The following RHEX variants were observed in gnomAD, a reference collection of about 807,000 sequenced individuals.
The protein encoded by RHEX is regulator of hemoglobinization and erythroid cell expansion, also known as regulator of hemoglobinization and erythroid cell expansion protein.
RHEX carries 18 observed loss-of-function variants against 20.1 expected under a neutral mutation model. The observed-to-expected ratio is 0.90, with a 90% CI of 0.62 to 1.33. RHEX has a LOEUF of 1.33. Among genes scored for constraint, RHEX ranks in the 40% most tolerant of loss-of-function variants. RHEX has a pLI of 0.00. For missense variants in RHEX, 192 were observed against 214.3 expected, an observed-to-expected ratio of 0.90 and a Z score of 0.65; for synonymous variants, 87 against 77.1, an observed-to-expected ratio of 1.13 and a Z score of -0.67.
chr1:206,074,741 G>A (rs1231057956), intron 1 of RHEX, among the ~76,000 whole-genome samples: 1 of 152,194 alleles, frequency 6.6e-6, no homozygotes, highest in Non-Finnish European at 1.5e-5. Flanking sequence ...CTTTTTGGGT[G>A]CTGACATGAT....
chr1:206,098,339 A>C, intron 3 of RHEX, 158 bp downstream of exon 3: 2 of 607,352 alleles, frequency 3.3e-6, no homozygotes, highest in Non-Finnish European at 3.0e-6. Context: ...CCTCCCCCCA[A>C]TAACTGTATC....
chr1:206,092,257 A>C (rs1337229401), intron 1 of RHEX, among the ~76,000 whole-genome samples: 1 of 152,122 alleles, frequency 6.6e-6, no homozygotes, highest in Non-Finnish European at 1.5e-5. Flanking sequence ...AATAGCTTGC[A>C]TTCATTGGAT....
At chr1:206,074,269 G>A (rs1354039804) in intron 1 of RHEX, among the ~76,000 whole-genome samples, 1 of 152,130 alleles carries the variant, frequency 6.6e-6, no homozygotes, top group Non-Finnish European at 1.5e-5. Context: ...TAAAGTCTAT[G>A]TTCCCAATAG....
intron 1 of RHEX, among the ~76,000 whole-genome samples, chr1:206,064,933 G>A (rs1662395361): frequency 6.6e-6 from 1 of 152,172 alleles, no homozygotes; most frequent in Non-Finnish European, 1.5e-5. Context: ...TCTGTACTAA[G>A]AGAAGTTCTT....
chr1:206,095,726 G>A lies in RHEX; in HGVS notation c.-96-2007G>A, dbSNP rs189857497. ...AGCTACTTGGGAGGCTCAGGCAGGAGAATCGCTTGAACCTGGGAGGTGGAG... is the reference window on the plus strand; with the variant it reads ...AGCTACTTGGGAGGCTCAGGCAGGAAAATCGCTTGAACCTGGGAGGTGGAG... On this transcript the variant is annotated intron_variant, in intron 1 of 5. Coordinates refer to ENST00000331555, the MANE Select transcript of RHEX (RefSeq NM_001007544.4). Among the ~76,000 whole-genome samples, 199 of 152,228 alleles carry A rather than the reference G, an allele frequency of 1.3e-3. 1 individual carries two copies. In the Middle Eastern group the frequency reaches 0.044, roughly 34 times the overall value.
At chr1:206,074,610 T>TCAA (rs1200592481) in intron 1 of RHEX, among the ~76,000 whole-genome samples, 2 of 152,134 alleles carry the variant, frequency 1.3e-5, no homozygotes, top group Non-Finnish European at 2.9e-5. Flanking sequence ...TTTCAGGCCA[T>TCAA]TTTCATCACC....
At position 206,098,172 on chromosome 1, in the gene RHEX, A is replaced by C; in HGVS notation, c.103A>C (p.Arg35=). ...CACCGCCATCAACTACCTGCTCAGCAGGCACATGGGTAACTGGCTCAGCAT... is the reference window on the plus strand; with the variant it reads ...CACCGCCATCAACTACCTGCTCAGCCGGCACATGGGTAACTGGCTCAGCAT... The part of the protein sequence containing the change: ...FLTAINYLLS[R]HMAHKSEQIL... Residue 35 remains arginine, a synonymous_variant, in exon 3 of 6, where the codon AGG becomes CGG. Coordinates refer to ENST00000331555, the MANE Select transcript of RHEX (RefSeq NM_001007544.4). The C allele has an allele frequency of 6.2e-7, 1 of 1,611,512 alleles. No individual in the cohort carries two copies. The highest frequency in any genetic ancestry group is 1.7e-5 in the Admixed American group (1 of 60,014).
intron 1 of RHEX, chr1:206,083,651 G>A: frequency 1.0e-6 from 1 of 984,788 alleles, no homozygotes; most frequent in Non-Finnish European, 1.2e-6. Flanking sequence ...AGTCCTAAGG[G>A]TAAGTACTGT....
intron 1 of RHEX, among the ~76,000 whole-genome samples, chr1:206,084,357 G>A (rs1553286230): frequency 6.6e-6 from 1 of 152,160 alleles, no homozygotes; most frequent in African/African-American, 2.4e-5. Context: ...TATCTGCCGA[G>A]GACTGTTCAA....
At position 206,097,766 on chromosome 1, in the gene RHEX, G is replaced by A; in HGVS notation, c.-63G>A. 1 of 1,613,980 alleles carries A rather than the reference G, an allele frequency of 6.2e-7. No individual in the cohort carries two copies. Among genetic ancestry groups the A allele is most frequent in the Non-Finnish European group, 8.5e-7 (1 of 1,179,884 alleles). On this transcript the variant is annotated 5_prime_UTR_variant, in exon 2 of 6. Transcript: ENST00000331555. The stretch of plus-strand genomic sequence containing the variant: ...CACCCTGCCGGTGGCACTACTGAGA[G>A]ACGAGGTGCCAGGGTGGTTCCTGAA...
In RHEX at chr1:206,089,003, C is replaced by T. The variant is rs116088817; in HGVS notation, c.-96-8730C>T. Among the ~76,000 whole-genome samples the T allele has an allele frequency of 8.2e-3, 1,251 of 151,864 alleles. 21 individuals carry two copies. The highest frequency in any genetic ancestry group is 0.027 in the African/African-American group (1,126 of 41,406). On this transcript the variant is annotated intron_variant, in intron 1 of 5. Coordinates refer to ENST00000331555, the MANE Select transcript of RHEX (RefSeq NM_001007544.4). ...CCCAGCTAATTTTTTAACCCATCTCCTGTTTCCCTCAAGAATACTTTTGTC... is the reference window on the plus strand; with the variant it reads ...CCCAGCTAATTTTTTAACCCATCTCTTGTTTCCCTCAAGAATACTTTTGTC...
At chr1:206,065,270 C>G (rs577417287) in intron 1 of RHEX, among the ~76,000 whole-genome samples, 1 of 133,922 alleles carries the variant, frequency 7.5e-6, no homozygotes, top group African/African-American at 3.3e-5. Context: ...CAAGAATGAT[C>G]AATTAAAAAA....
chr1:206,071,263 G>C (rs1662523166), intron 1 of RHEX, among the ~76,000 whole-genome samples: 1 of 152,118 alleles, frequency 6.6e-6, no homozygotes, highest in Non-Finnish European at 1.5e-5. Context: ...AAAGATGAAG[G>C]CCGGAAGACT....
chr1:206,075,549 T>C (rs1662621521), intron 1 of RHEX, among the ~76,000 whole-genome samples: 1 of 151,954 alleles, frequency 6.6e-6, no homozygotes, highest in African/African-American at 2.4e-5. Flanking sequence ...AAGCAGCAGA[T>C]AAATTCATTG....
At chr1:206,095,664 A>G (rs1414625116) in intron 1 of RHEX, among the ~76,000 whole-genome samples, 1 of 152,106 alleles carries the variant, frequency 6.6e-6, no homozygotes, top group Non-Finnish European at 1.5e-5. Flanking sequence ...TGAAAATACA[A>G]AATTAGCAGG....
chr1:206,078,675 G>A (rs78283114), intron 1 of RHEX, among the ~76,000 whole-genome samples: 2,099 of 152,290 alleles, frequency 0.014, 23 homozygotes, highest in Admixed American at 0.026. Context: ...TCTGTAAGGT[G>A]GACATTTTAA....
chr1:206,095,777 T>C (rs1663054386), intron 1 of RHEX, among the ~76,000 whole-genome samples: 1 of 152,048 alleles, frequency 6.6e-6, no homozygotes, highest in South Asian at 2.1e-4. Flanking sequence ...GATCGTGTCA[T>C]TGTACTCCAG....
At chr1:206,063,602 CG>C (rs200108052) in intron 1 of RHEX, among the ~76,000 whole-genome samples, 1,560 of 152,350 alleles carry the variant, frequency 0.01, 31 homozygotes, top group African/African-American at 0.036. Flanking sequence ...CTGTGTTGGC[CG>C]GGCTGGTCTC....
intron 1 of RHEX, chr1:206,060,350 A>G (rs1358886840): frequency 6.6e-6 from 1 of 152,252 alleles, no homozygotes; most frequent in Non-Finnish European, 1.5e-5. Context: ...GTGTGCAAGA[A>G]TTACCTTCCT....
Sources: allele counts gnomAD v4.1 joint callset (sites outside exome capture counted in the v4.1 genomes callset), GRCh38; gene constraint gnomAD v4.1.1; transcripts MANE v1.5; gene names NCBI Gene and HGNC (gene_info 2026-07-23, HGNC 2026-07-21).